The following HADH variants were observed in gnomAD, a reference collection of about 807,000 sequenced individuals.
HADH encodes hydroxyacyl-CoA dehydrogenase.
In HADH, 24 loss-of-function variants were observed where a neutral mutation model predicts 32.2. The observed-to-expected ratio is 0.75, with a 90% CI of 0.54 to 1.05. The LOEUF (loss-of-function observed/expected upper bound fraction) is 1.05. Ranked by LOEUF, HADH falls within the 50% of genes least tolerant of loss-of-function variation. The pLI, the probability that HADH is intolerant of heterozygous loss-of-function variation, is 0.00. For synonymous variants in HADH, 139 were observed against 152.5 expected, an observed-to-expected ratio of 0.91 and a Z score of 0.65; for missense variants, 350 against 397.1, an observed-to-expected ratio of 0.88 and a Z score of 1.01.
chr4:108,021,539 A>T (rs1052382946), intron 4 of HADH, among the ~76,000 whole-genome samples: 7 of 151,796 alleles, frequency 4.6e-5, no homozygotes, highest in Admixed American at 1.3e-4. Context: ...ATATATATGT[A>T]TTTTTTTTCA....
Position 108,033,202 on chromosome 4 carries a change from A to G in HADH, c.736A>G (p.Thr246Ala). The change falls in exon 7 of 8, where the codon ACT becomes GCT. Residue 246 changes from threonine to alanine, a missense_variant. Transcript: ENST00000309522. The part of the protein sequence containing the change: ...RGDASKEDID[T>A]AMKLGAGYPM... ...TGACGCATCCAAAGAAGACATTGACACTGCTATGAAATTAGGAGCCGGTTA... is the reference window on the plus strand; with the variant it reads ...TGACGCATCCAAAGAAGACATTGACGCTGCTATGAAATTAGGAGCCGGTTA... 1 of 1,605,424 alleles carries G rather than the reference A, an allele frequency of 6.2e-7. No individual in the cohort carries two copies. The highest frequency in any genetic ancestry group is 8.5e-7 in the Non-Finnish European group (1 of 1,172,090).
chr4:108,017,597 A>T (rs1163500417), intron 3 of HADH, among the ~76,000 whole-genome samples: 1 of 150,336 alleles, frequency 6.7e-6, no homozygotes, highest in Non-Finnish European at 1.5e-5. Context: ...TCTGTCGCCC[A>T]GGCTGGAGTG....
chr4:108,004,681 G>A (rs1237928092), intron 1 of HADH: 21 of 1,523,010 alleles, frequency 1.4e-5, no homozygotes, highest in Admixed American at 4.0e-5. Flanking sequence ...GTTGGCCTCA[G>A]CAGCAATGAG....
At chr4:107,993,931 A>G (rs1246250665) in intron 1 of HADH, among the ~76,000 whole-genome samples, 1 of 152,170 alleles carries the variant, frequency 6.6e-6, no homozygotes, top group East Asian at 1.9e-4. Context: ...AAAGAGGAAA[A>G]CAAGAAAGGA....
At chr4:108,005,053 C>G (rs189016412) in intron 1 of HADH, 165 of 592,026 alleles carry the variant, frequency 2.8e-4, no homozygotes, top group African/African-American at 2.7e-3. Flanking sequence ...TTTTTTCTTT[C>G]TTTCTTTATT....
chr4:108,022,850 C>CA (rs1735938577), intron 4 of HADH, among the ~76,000 whole-genome samples: 1 of 152,160 alleles, frequency 6.6e-6, no homozygotes, highest in African/African-American at 2.4e-5. Context: ...GAAACATACT[C>CA]AGGGTCACAC....
chr4:108,004,700 CT>C, intron 1 of HADH: 1 of 1,528,732 alleles, frequency 6.5e-7, no homozygotes, highest in Non-Finnish European at 8.8e-7. Context: ...AGGGATAATT[CT>C]TTCAAGAAAG....
At chr4:107,991,035 C>G (rs1734777802) in intron 1 of HADH, among the ~76,000 whole-genome samples, 1 of 152,192 alleles carries the variant, frequency 6.6e-6, no homozygotes, top group Non-Finnish European at 1.5e-5. Flanking sequence ...GCCACTGCAC[C>G]CAGCCGGAAC....
intron 5 of HADH, chr4:108,024,208 G>T: frequency 6.6e-6 from 1 of 152,252 alleles, no homozygotes; most frequent in Non-Finnish European, 1.5e-5. Context: ...TAATTATTTT[G>T]ATTACCTTCA....
At chr4:108,002,276 G>T (rs2126221967) in intron 1 of HADH, among the ~76,000 whole-genome samples, 1 of 152,280 alleles carries the variant, frequency 6.6e-6, no homozygotes, top group East Asian at 1.9e-4. Flanking sequence ...CACTTGCATT[G>T]CTACCTGAGC....
At chr4:108,021,085 G>T (rs1328434836) in intron 4 of HADH, among the ~76,000 whole-genome samples, 1 of 152,104 alleles carries the variant, frequency 6.6e-6, no homozygotes, top group African/African-American at 2.4e-5. Flanking sequence ...TGAAGAAATT[G>T]AAGAATGAAG....
chr4:108,004,675 G>T (rs550142677), intron 1 of HADH: 408 of 1,521,804 alleles, frequency 2.7e-4, no homozygotes, highest in Non-Finnish European at 3.3e-4. Context: ...AAAGAGGTTG[G>T]CCTCAGCAGC....
chr4:108,027,942 C>T (rs1027749582), intron 6 of HADH, 182 bp downstream of exon 6: 12 of 641,360 alleles, frequency 1.9e-5, no homozygotes, highest in Non-Finnish European at 2.5e-5. Context: ...TTCCCAGGGC[C>T]TCCTGGCTTC....
intron 1 of HADH, among the ~76,000 whole-genome samples, chr4:107,996,893 C>CA (rs371481879): frequency 3.5e-3 from 382 of 109,668 alleles, no homozygotes; most frequent in East Asian, 0.014. Flanking sequence ...GACTCCTTCT[C>CA]AAAAAAAAAA....
At chr4:108,026,201 C>G (rs1736065171) in intron 5 of HADH, 1 of 152,052 alleles carries the variant, frequency 6.6e-6, no homozygotes, top group African/African-American at 2.4e-5. Flanking sequence ...GCCACCACAC[C>G]CGGCTAATTT....
At chr4:108,018,774 G>A (rs897298049) in intron 3 of HADH, among the ~76,000 whole-genome samples, 1 of 152,120 alleles carries the variant, frequency 6.6e-6, no homozygotes, top group Non-Finnish European at 1.5e-5. Flanking sequence ...TATCCGCAAG[G>A]TGGCGCTGCA....
intron 1 of HADH, among the ~76,000 whole-genome samples, chr4:107,996,215 C>T (rs1336290305): frequency 6.6e-6 from 1 of 152,144 alleles, no homozygotes; most frequent in Non-Finnish European, 1.5e-5. Context: ...TTGGTCCTTT[C>T]AGCAAAAACT....
chr4:107,995,629 T>A (rs1301854274), intron 1 of HADH, among the ~76,000 whole-genome samples: 1 of 152,226 alleles, frequency 6.6e-6, no homozygotes, highest in Non-Finnish European at 1.5e-5. Context: ...AGAATTTTGA[T>A]TTATTTAATT....
intron 4 of HADH, 27 bp from the exon 5 acceptor site, chr4:108,023,447 T>G: frequency 7.1e-7 from 1 of 1,409,142 alleles, no homozygotes; most frequent in South Asian, 1.1e-5. Context: ...GACACTCTGG[T>G]CATAATTCTC....
Sources: allele counts gnomAD v4.1 joint callset (sites outside exome capture counted in the v4.1 genomes callset), GRCh38; gene constraint gnomAD v4.1.1; transcripts MANE v1.5; gene names NCBI Gene and HGNC (gene_info 2026-07-23, HGNC 2026-07-21).